INAVA: variants seen among roughly 807,000 people sequenced by gnomAD.
INAVA encodes the protein innate immunity activator protein.
Under a neutral mutation model 55.3 loss-of-function variants are expected in INAVA, and 32 were observed. That is an observed-to-expected ratio of 0.58 (90% CI 0.44 to 0.78). The LOEUF (loss-of-function observed/expected upper bound fraction) is 0.78, where lower values mean the gene tolerates loss of function less well. INAVA is among the 30% of genes least tolerant of loss of function. The pLI is 0.00. For synonymous variants in INAVA, 294 were observed against 329.4 expected (o/e 0.89, Z 1.16); for missense variants, 756 against 786.4 (o/e 0.96, Z 0.46).
At chr1:200,901,750 C>G (rs1023241311) in intron 5 of INAVA, among the ~76,000 whole-genome samples, 1 of 152,174 alleles carries the variant, frequency 6.6e-6, no homozygotes, top group Non-Finnish European at 1.5e-5. Context: ...CCACCCTGGT[C>G]AAGGGTGGGA....
intron 5 of INAVA, 32 bp downstream of exon 5, chr1:200,901,191 C>T: frequency 6.9e-7 from 1 of 1,459,826 alleles, no homozygotes. Context: ...GGGCCATGCT[C>T]CTTAAATGAG....
At chr1:200,901,394 T>C (rs1469122698) in intron 5 of INAVA, among the ~76,000 whole-genome samples, 1 of 152,222 alleles carries the variant, frequency 6.6e-6, no homozygotes, top group Non-Finnish European at 1.5e-5. Context: ...CGTATCCTCC[T>C]CAAAATACAC....
Position 200,911,597 on chromosome 1 carries a change from C to T in INAVA, c.1104C>T (p.Cys368=), listed in dbSNP as rs750734623. Reference sequence around the variant, plus strand: ...TGCCCCACGCCGCCTGCCACTCCTGCTCAGAAGACAGTGGCTCTGACGTCT... The same window carrying T: ...TGCCCCACGCCGCCTGCCACTCCTGTTCAGAAGACAGTGGCTCTGACGTCT... ...PPLPHAACHS[C]SEDSGSDVSS... The change falls in exon 9 of 10, where the codon TGC becomes TGT. Residue 368 remains cysteine, a synonymous_variant. Coordinates refer to ENST00000413687, the MANE Select transcript of INAVA (RefSeq NM_001142569.3). 8.7e-6 allele frequency: 14 copies of T among 1,614,044 alleles called. No individual in the cohort carries two copies. Among genetic ancestry groups the T allele is most frequent in the Admixed American group, 1.7e-5 (1 of 60,032 alleles).
chr1:200,892,873 G>A (rs951460781), upstream of INAVA, among the ~76,000 whole-genome samples: 2 of 152,182 alleles, frequency 1.3e-5, no homozygotes, highest in African/African-American at 2.4e-5. Context: ...GGGGGAGCAA[G>A]GTGTTTTTGA....
chr1:200,912,153 A>G lies in INAVA; in HGVS notation c.1644+16A>G. 1 of 1,538,408 alleles carries G rather than the reference A, an allele frequency of 6.5e-7. No homozygotes were observed. Among genetic ancestry groups the G allele is most frequent in the Non-Finnish European group, 8.8e-7 (1 of 1,142,774 alleles). On this transcript the variant is annotated intron_variant, in intron 9 of 9. Coordinates refer to ENST00000413687, the MANE Select transcript of INAVA (RefSeq NM_001142569.3). ...CCGGGCACAGGTACGGCTGCTCTGG[A>G]GGGACCCCGGGGCCAGGCAGGAGGG...
chr1:200,899,339 T>C, intron 2 of INAVA, 134 bp from the exon 3 acceptor site: 2 of 1,316,140 alleles, frequency 1.5e-6, no homozygotes, highest in Admixed American at 2.3e-5. Context: ...CAGCCTGCAA[T>C]TTGTGGGCAG....
chr1:200,904,837 A>G (rs1275677634), intron 5 of INAVA, among the ~76,000 whole-genome samples: 1 of 151,458 alleles, frequency 6.6e-6, no homozygotes, highest in African/African-American at 2.4e-5. Flanking sequence ...GGCTCAAGTG[A>G]TCTTCCTTCC....
chr1:200,901,119 TAGC>T lies in INAVA; in HGVS notation c.481_483del (p.Ser161del). The T allele has an allele frequency of 6.5e-7, 1 of 1,530,118 alleles. No homozygotes were observed. Among genetic ancestry groups the T allele is most frequent in the Non-Finnish European group, 8.8e-7 (1 of 1,142,538 alleles). The allele number at this position is 1,530,118 out of a possible 1,614,324, so 94.8% of individuals were successfully genotyped here. ...GCTGCCTGGTCGAGCGGCGGCGCAA[TAGC>T]GAGCCACCTCCGGCTGCTGCTCTCC... is the stretch of plus-strand genomic sequence containing the variant. On this transcript the variant is annotated inframe_deletion, in exon 5 of 10. Transcript: ENST00000413687.
At position 200,912,152 on chromosome 1, in the gene INAVA, G is replaced by C. The variant is rs780135605; in HGVS notation, c.1644+15G>C. On this transcript the variant is annotated intron_variant, in intron 9 of 9. Coordinates refer to ENST00000413687, the MANE Select transcript of INAVA (RefSeq NM_001142569.3). ...CCCGGGCACAGGTACGGCTGCTCTG[G>C]AGGGACCCCGGGGCCAGGCAGGAGG... 21 of 1,538,162 alleles carry C rather than the reference G, an allele frequency of 1.4e-5. No homozygotes were observed. The highest frequency in any genetic ancestry group is 4.8e-5 in the South Asian group (4 of 82,996).
intron 1 of INAVA, among the ~76,000 whole-genome samples, chr1:200,895,692 G>A (rs867835426): frequency 7.2e-5 from 11 of 152,210 alleles, no homozygotes; most frequent in South Asian, 4.1e-4. Flanking sequence ...CCTCGGCAGA[G>A]GCAGATGTGA....
At chr1:200,900,730 G>C (rs1212222084) in intron 4 of INAVA, among the ~76,000 whole-genome samples, 1 of 152,202 alleles carries the variant, frequency 6.6e-6, no homozygotes, top group Non-Finnish European at 1.5e-5. Flanking sequence ...GCCCATGCCA[G>C]CTTTTCAGGC....
At chr1:200,907,692 T>A in intron 5 of INAVA, 142 bp from the exon 6 acceptor site, 3 of 587,974 alleles carry the variant, frequency 5.1e-6, no homozygotes, top group Non-Finnish European at 8.9e-6. Context: ...CAATGTGTAT[T>A]TAGCACACAG....
At chr1:200,892,016 C>CCTTTTT (rs1668248205), upstream of INAVA, among the ~76,000 whole-genome samples, 1 of 152,126 alleles carries the variant, frequency 6.6e-6, no homozygotes, top group South Asian at 2.1e-4. Flanking sequence ...GCAGGGTGGA[C>CCTTTTT]AGGACAAAGG....
Position 200,900,093 on chromosome 1 carries a change from T to A in INAVA, c.181-11T>A. On this transcript the variant is annotated splice_polypyrimidine_tract_variant and intron_variant, in intron 3 of 9. Transcript: ENST00000413687. ...TGGAGAGGACCTGGCTGGTCTCTGC[T>A]TCCTCCCCAGGAGCTGACGGGCACC... 6.2e-7 allele frequency: 1 copy of A among 1,605,106 alleles called. No individual in the cohort carries two copies.
intron 5 of INAVA, among the ~76,000 whole-genome samples, chr1:200,903,900 G>A (rs1245964241): frequency 2.0e-5 from 3 of 151,668 alleles, no homozygotes; most frequent in Non-Finnish European, 2.9e-5. Context: ...GGGTAATTTA[G>A]TTTGGGAAAG....
At chr1:200,909,171 A>G in intron 7 of INAVA, 53 bp from the exon 8 acceptor site, 1 of 1,467,924 alleles carries the variant, frequency 6.8e-7, no homozygotes, top group Non-Finnish European at 9.1e-7. Context: ...GCACCTCTTG[A>G]GCCCCTGAAT....
chr1:200,900,306 G>A, intron 4 of INAVA, 86 bp downstream of exon 4: 1 of 1,237,162 alleles, frequency 8.1e-7, no homozygotes, highest in Non-Finnish European at 1.2e-6. Context: ...TACCCTGGCA[G>A]GTTCCCTTCC....
chr1:200,909,393 C>T lies in INAVA; in HGVS notation c.955C>T (p.Leu319=). The change falls in exon 8 of 10, where the codon CTG becomes TTG. Residue 319 remains leucine (L), a synonymous_variant. Coordinates refer to ENST00000413687, the MANE Select transcript of INAVA (RefSeq NM_001142569.3). The stretch of plus-strand genomic sequence containing the variant: ...GGGGAGGAGGGGCCAGTCGCAGTCT[C>T]TGAGGTAAGAGACAGCTTCCCCAGA... ...IQGRRGQSQS[L]RVDSFRAGPE... is the part of the protein sequence containing the mutation. 6.3e-7 allele frequency: 1 copy of T among 1,591,394 alleles called. No homozygotes were observed. Among genetic ancestry groups the T allele is most frequent in the Non-Finnish European group, 8.6e-7 (1 of 1,166,648 alleles).
chr1:200,905,719 C>T (rs12118246), intron 5 of INAVA, among the ~76,000 whole-genome samples: 2 of 152,144 alleles, frequency 1.3e-5, no homozygotes, highest in Admixed American at 6.5e-5. Context: ...AATTCATAGC[C>T]GTGTTCCAAT....
Sources: allele counts gnomAD v4.1 joint callset (sites outside exome capture counted in the v4.1 genomes callset), GRCh38; gene constraint gnomAD v4.1.1; transcripts MANE v1.5; gene names NCBI Gene and HGNC (gene_info 2026-07-23, HGNC 2026-07-21).